Variants in CACNA1D observed in about 807,000 individuals in gnomAD.
CACNA1D encodes the protein calcium voltage-gated channel subunit alpha1 D.
Under a neutral mutation model 257.1 loss-of-function variants are expected in CACNA1D, and 55 were observed. The ratio of observed to expected loss-of-function variants is 0.21; its 90% CI spans 0.17 to 0.27. The LOEUF is 0.27. Ranked by LOEUF, CACNA1D falls within the 10% of genes least tolerant of loss-of-function variation. The pLI, the probability that CACNA1D is intolerant of heterozygous loss-of-function variation, is 1.00. For synonymous variants in CACNA1D, 980 were observed against 1,014.9 expected (o/e 0.97, Z 0.65); for missense variants, 1,876 against 2,784.0 (o/e 0.67, Z 7.34).
chr3:53,659,575 C>T (rs1354026193), intron 4 of CACNA1D, among the ~76,000 whole-genome samples: 1 of 152,210 alleles, frequency 6.6e-6, no homozygotes, highest in African/African-American at 2.4e-5. Context: ...GCAGAACAGA[C>T]TAAAACTCCT....
intron 8 of CACNA1D, among the ~76,000 whole-genome samples, chr3:53,682,364 G>GAAAAA (rs1438838499): frequency 4.6e-5 from 1 of 21,838 alleles, no homozygotes; most frequent in African/African-American, 3.2e-4. Context: ...TTTGTCTCTG[G>GAAAAA]TAAAAAAAAA....
At chr3:53,689,467 CCTGGGGG>C (rs1327420609) in intron 8 of CACNA1D, among the ~76,000 whole-genome samples, 3 of 151,342 alleles carry the variant, frequency 2.0e-5, no homozygotes, top group African/African-American at 4.9e-5. Flanking sequence ...GTTAGGAGAG[CCTGGGGG>C]CTGGGGGCTG....
At chr3:53,768,895 T>C (rs1321478084) in intron 30 of CACNA1D, among the ~76,000 whole-genome samples, 4 of 152,154 alleles carry the variant, frequency 2.6e-5, no homozygotes, top group African/African-American at 9.7e-5. Flanking sequence ...CCCTTAACTT[T>C]GCAGACACAC....
chr3:53,804,104 A>T lies in CACNA1D; in HGVS notation c.5585+532A>T, dbSNP rs185366207. ...TACAGAAAGAATGTTTGTTAGTACA[A>T]TGGGCACTCTGCTTTAGGAGGCGTA... On this transcript the variant is annotated intron_variant, in intron 44 of 47. Coordinates refer to ENST00000350061, the MANE Select transcript of CACNA1D (RefSeq NM_001128840.3). Among the ~76,000 whole-genome samples the T allele has an allele frequency of 1.3e-3, 192 of 152,280 alleles. 1 individual carries two copies. The highest frequency in any genetic ancestry group is 4.3e-3 in the African/African-American group (180 of 41,568).
chr3:53,626,301 C>A (rs2093757922), intron 3 of CACNA1D, among the ~76,000 whole-genome samples: 1 of 152,160 alleles, frequency 6.6e-6, no homozygotes. Flanking sequence ...TCATGCTGAT[C>A]TGGAAATAGC....
In CACNA1D at chr3:53,538,144, T is replaced by TG. The variant is rs1195707068; in HGVS notation, c.483+36424_483+36425insG. On this transcript the variant is annotated intron_variant, in intron 3 of 47. Transcript: ENST00000350061. Reference sequence around the variant, plus strand: ...TCCATATTTACCAGTTTTTGAAGTTTTTTTTTTTTTTTTTTTTTTTTTTGA... The same window carrying TG: ...TCCATATTTACCAGTTTTTGAAGTTTGTTTTTTTTTTTTTTTTTTTTTTTGA... 3.5e-5 allele frequency among the ~76,000 whole-genome samples: 3 copies of TG among 86,888 alleles called. No individual in the cohort carries two copies. The East Asian group carries it at 8.3e-4, about 24-fold the overall frequency. 57.0% of individuals were successfully genotyped at this position (86,888 alleles called of 152,430 possible).
intron 3 of CACNA1D, among the ~76,000 whole-genome samples, chr3:53,545,590 T>A (rs373806212): frequency 6.6e-6 from 1 of 152,172 alleles, no homozygotes; most frequent in African/African-American, 2.4e-5. Flanking sequence ...CTTGAAAAGG[T>A]CATGGTGTTC....
chr3:53,804,257 C>CCTGA (rs1310187897), intron 44 of CACNA1D, among the ~76,000 whole-genome samples: 1 of 152,180 alleles, frequency 6.6e-6, no homozygotes, highest in African/African-American at 2.4e-5. Context: ...TGAGCCACAG[C>CCTGA]CTGACCCTCA....
chr3:53,626,927 C>T (rs1266422103), intron 3 of CACNA1D, among the ~76,000 whole-genome samples: 1 of 152,220 alleles, frequency 6.6e-6, no homozygotes, highest in Non-Finnish European at 1.5e-5. Flanking sequence ...TGCCTTGCCA[C>T]TGTAGTAAGG....
chr3:53,514,406 G>C (rs2091255020), intron 3 of CACNA1D, among the ~76,000 whole-genome samples: 1 of 152,000 alleles, frequency 6.6e-6, no homozygotes, highest in Non-Finnish European at 1.5e-5. Flanking sequence ...GGGTCTCTCT[G>C]GCTAGGCTTC....
At chr3:53,649,561 T>A (rs115407938) in intron 3 of CACNA1D, among the ~76,000 whole-genome samples, 1 of 152,032 alleles carries the variant, frequency 6.6e-6, no homozygotes, top group African/African-American at 2.4e-5. Flanking sequence ...AAATGACAGG[T>A]ACCATAGTGG....
In CACNA1D at chr3:53,731,161, A is replaced by G; in HGVS notation, c.2406+15A>G. 2 of 1,555,390 alleles carry G rather than the reference A, an allele frequency of 1.3e-6. No homozygotes were observed. The highest frequency in any genetic ancestry group is 1.1e-5 in the South Asian group (1 of 89,844). Reference sequence around the variant, plus strand: ...GTGACAACAAGGTATGTATTCTAAGATGCTTCTCCCCTTTTTGTTTCAAAA... The same window carrying G: ...GTGACAACAAGGTATGTATTCTAAGGTGCTTCTCCCCTTTTTGTTTCAAAA... On this transcript the variant is annotated intron_variant, in intron 17 of 47. Transcript: ENST00000350061.
At chr3:53,704,994 G>A (rs373735064) in intron 9 of CACNA1D, among the ~76,000 whole-genome samples, 1 of 152,212 alleles carries the variant, frequency 6.6e-6, no homozygotes, top group Non-Finnish European at 1.5e-5. Flanking sequence ...TATCTTGAGG[G>A]TTAACCATTT....
chr3:53,691,749 A>G (rs9683296), intron 8 of CACNA1D, among the ~76,000 whole-genome samples: 4 of 50,024 alleles, frequency 8.0e-5, no homozygotes, highest in Non-Finnish European at 1.1e-4. Context: ...TTACATATAT[A>G]ATATATATTA....
intron 3 of CACNA1D, among the ~76,000 whole-genome samples, chr3:53,572,179 G>A (rs1414069687): frequency 1.3e-5 from 2 of 152,102 alleles, no homozygotes; most frequent in Non-Finnish European, 1.5e-5. Context: ...CTTGCCATGT[G>A]CAAAATGGAA....
rs2095384351 is a variant in CACNA1D at position 53,774,367 on chromosome 3, G to A, written c.4111-220G>A. 3.7e-6 allele frequency: 2 copies of A among 544,970 alleles called. No homozygotes were observed. Among genetic ancestry groups the A allele is most frequent in the South Asian group, 2.0e-5 (1 of 49,830 alleles). 33.8% of individuals were successfully genotyped at this position (544,970 alleles called of 1,614,324 possible). ...TCTCCCCCAGGGGAGATCCGCGAAT[G>A]TGAGACCGTGCCCCTCTGGAGCACC... On this transcript the variant is annotated intron_variant, in intron 33 of 47. Coordinates refer to ENST00000350061, the MANE Select transcript of CACNA1D (RefSeq NM_001128840.3). This position sits in a 1 kb window ranked among gnomAD's most constrained non-coding sequence, Gnocchi z 4.3.
intron 40 of CACNA1D, chr3:53,792,317 T>C (rs534465565): frequency 2.2e-4 from 34 of 152,286 alleles, no homozygotes; most frequent in African/African-American, 7.9e-4. Flanking sequence ...CAAGTGGTGG[T>C]TGGAGTCTGT....
At chr3:53,635,636 C>CTGT (rs1204266881) in intron 3 of CACNA1D, among the ~76,000 whole-genome samples, 1 of 152,160 alleles carries the variant, frequency 6.6e-6, no homozygotes, top group African/African-American at 2.4e-5. Flanking sequence ...CAAGACAGTG[C>CTGT]TGTTGGATCT....
intron 25 of CACNA1D, among the ~76,000 whole-genome samples, chr3:53,746,738 C>T (rs1415145121): frequency 6.6e-6 from 1 of 152,154 alleles, no homozygotes; most frequent in Admixed American, 6.5e-5. Flanking sequence ...CTTGAAGCCT[C>T]TGTGTCTTCA....
Sources: gnomAD v4.1 joint callset for allele counts (sites outside exome capture counted in the v4.1 genomes callset) on GRCh38, gnomAD v4.1.1 for gene constraint, Gnocchi (gnomAD v3.1) non-coding constraint, MANE v1.5 for transcripts, NCBI Gene and HGNC (gene_info 2026-07-23, HGNC 2026-07-21) for gene names.